MSRA: variants seen among roughly 807,000 people sequenced by gnomAD.
MSRA encodes the protein methionine sulfoxide reductase A, also known as mitochondrial peptide methionine sulfoxide reductase.
Under a neutral mutation model 31.3 loss-of-function variants are expected in MSRA, and 54 were observed. The ratio of observed to expected loss-of-function variants is 1.73; its 90% CI spans 1.39 to 2.17. The LOEUF is 2.17. MSRA is among the 30% of genes most tolerant of loss of function. MSRA has a pLI of 0.00. For missense variants in MSRA, 507 were observed against 300.9 expected (o/e 1.69, Z -5.07); for synonymous variants, 169 against 116.5 (o/e 1.45, Z -2.90).
At chr8:10,075,728 G>T (rs1014763298) in intron 1 of MSRA, among the ~76,000 whole-genome samples, 1 of 152,296 alleles carries the variant, frequency 6.6e-6, no homozygotes, top group East Asian at 1.9e-4. Flanking sequence ...TCGTAAGGTG[G>T]TTCTCAGTCC....
intron 5 of MSRA, among the ~76,000 whole-genome samples, chr8:10,395,221 G>T: frequency 6.6e-6 from 1 of 152,120 alleles, no homozygotes; most frequent in East Asian, 1.9e-4. Flanking sequence ...GATGTGTAGG[G>T]TTTTTAACAA....
intron 3 of MSRA, among the ~76,000 whole-genome samples, chr8:10,278,558 G>A (rs1042619317): frequency 6.6e-6 from 1 of 152,200 alleles, no homozygotes; most frequent in South Asian, 2.1e-4. Flanking sequence ...CACATGGAGT[G>A]GGCACACCTA....
At chr8:10,299,215 G>C (rs1279522796) in intron 3 of MSRA, among the ~76,000 whole-genome samples, 3 of 152,118 alleles carry the variant, frequency 2.0e-5, no homozygotes, top group African/African-American at 7.2e-5. Flanking sequence ...TGTAAATTGA[G>C]AAGAAATAGC....
chr8:10,093,989 G>C (rs1003555560), intron 1 of MSRA, among the ~76,000 whole-genome samples: 2 of 152,150 alleles, frequency 1.3e-5, no homozygotes, highest in African/African-American at 4.8e-5. Context: ...ATCTTACTGA[G>C]GATTCCTTGC....
At chr8:10,245,728 A>C (rs1436005237) in intron 3 of MSRA, among the ~76,000 whole-genome samples, 1 of 152,202 alleles carries the variant, frequency 6.6e-6, no homozygotes, top group Non-Finnish European at 1.5e-5. Flanking sequence ...GCTAATTCAC[A>C]TGGTGGTGGA....
intron 5 of MSRA, among the ~76,000 whole-genome samples, chr8:10,322,324 A>G (rs1165984571): frequency 6.9e-6 from 1 of 145,116 alleles, no homozygotes; most frequent in Non-Finnish European, 1.5e-5. Flanking sequence ...GGCAGCTATT[A>G]TAGGATTCCG....
chr8:10,411,132 C>T (rs991329483), intron 5 of MSRA: 8 of 152,140 alleles, frequency 5.3e-5, no homozygotes, highest in African/African-American at 1.9e-4. Context: ...ATTCTCTTGG[C>T]AATTAGAAGA....
chr8:10,216,878 C>G (rs560848905), intron 2 of MSRA, among the ~76,000 whole-genome samples: 3 of 152,222 alleles, frequency 2.0e-5, no homozygotes, highest in Non-Finnish European at 4.4e-5. Context: ...GTGTACAGAT[C>G]TCTCTTCAAG....
At chr8:10,408,428 G>C (rs985697542) in intron 5 of MSRA, among the ~76,000 whole-genome samples, 7 of 152,084 alleles carry the variant, frequency 4.6e-5, no homozygotes, top group Admixed American at 3.3e-4. Context: ...TGTAGCCCCA[G>C]CTACCCAAGA....
chr8:10,054,737 C>A, intron 1 of MSRA, 79 bp downstream of exon 1: 2 of 1,365,610 alleles, frequency 1.5e-6, no homozygotes. Flanking sequence ...GCGCCCGCTG[C>A]CCGGAAGGAA....
At chr8:10,398,974 G>T (rs914831718) in intron 5 of MSRA, among the ~76,000 whole-genome samples, 2 of 152,162 alleles carry the variant, frequency 1.3e-5, no homozygotes, top group African/African-American at 4.8e-5. Flanking sequence ...GTGGAGGGAC[G>T]GCTCTGGGAA....
At chr8:10,420,892 TAAA>T (rs71203325) in intron 5 of MSRA, among the ~76,000 whole-genome samples, 18 of 147,074 alleles carry the variant, frequency 1.2e-4, no homozygotes, top group Non-Finnish European at 2.4e-4. Context: ...TACCACAACT[TAAA>T]AAAAAAAAGG....
At chr8:10,076,603 C>T (rs1403020141) in intron 1 of MSRA, among the ~76,000 whole-genome samples, 1 of 152,072 alleles carries the variant, frequency 6.6e-6, no homozygotes, top group African/African-American at 2.4e-5. Context: ...CCTGATTGCC[C>T]CAGTCTAGTT....
At chr8:10,138,994 C>G (rs1018677327) in intron 1 of MSRA, among the ~76,000 whole-genome samples, 7 of 152,194 alleles carry the variant, frequency 4.6e-5, no homozygotes, top group Non-Finnish European at 8.8e-5. Flanking sequence ...AGGAGTAGAC[C>G]TCTGTGTTGG....
chr8:10,097,638 T>C (rs1585138865), intron 1 of MSRA, among the ~76,000 whole-genome samples: 1 of 152,332 alleles, frequency 6.6e-6, no homozygotes, highest in Admixed American at 6.5e-5. Flanking sequence ...ATATAACTTA[T>C]TTAATTTTTA....
intron 2 of MSRA, among the ~76,000 whole-genome samples, chr8:10,219,479 T>A (rs964336372): frequency 6.6e-6 from 1 of 152,124 alleles, no homozygotes; most frequent in Non-Finnish European, 1.5e-5. Flanking sequence ...AACAGTGTTG[T>A]GTATGAATAA....
intron 2 of MSRA, among the ~76,000 whole-genome samples, chr8:10,215,316 C>G (rs1333199022): frequency 6.6e-6 from 1 of 152,150 alleles, no homozygotes; most frequent in Non-Finnish European, 1.5e-5. Flanking sequence ...TTTCTTCCGC[C>G]TTCTTAAGCC....
intron 1 of MSRA, among the ~76,000 whole-genome samples, chr8:10,129,055 C>T (rs916120851): frequency 1.3e-5 from 2 of 152,216 alleles, no homozygotes; most frequent in African/African-American, 4.8e-5. Context: ...GGTATCTCAA[C>T]TCTTCGCAGT....
intron 5 of MSRA, 136 bp downstream of exon 5, chr8:10,320,125 C>T (rs1801965268): frequency 5.1e-6 from 3 of 589,262 alleles, no homozygotes; most frequent in African/African-American, 1.9e-5. Context: ...TTCTGTCAGC[C>T]TCTAGGAGTG....
Sources: allele counts gnomAD v4.1 joint callset (sites outside exome capture counted in the v4.1 genomes callset), GRCh38; gene constraint gnomAD v4.1.1; transcripts MANE v1.5; gene names NCBI Gene and HGNC (gene_info 2026-07-23, HGNC 2026-07-21).